Variants in FANK1 observed in about 807,000 individuals in gnomAD.
FANK1 encodes the protein fibronectin type 3 and ankyrin repeat domains protein 1.
A neutral mutation model predicts 45.3 loss-of-function variants in FANK1; 44 were observed. The observed-to-expected ratio is 0.97, with a 90% CI of 0.76 to 1.25. The LOEUF (loss-of-function observed/expected upper bound fraction) is 1.25. Ranked by LOEUF, FANK1 falls within the 50% of genes most tolerant of loss-of-function variation. FANK1 has a pLI of 0.00. For missense variants in FANK1, 391 were observed against 424.4 expected, an observed-to-expected ratio of 0.92 and a Z score of 0.69; for synonymous variants, 149 against 152.5, an observed-to-expected ratio of 0.98 and a Z score of 0.17.
chr10:125,910,273 A>G (rs1945884442), intron 1 of FANK1, among the ~76,000 whole-genome samples: 1 of 152,234 alleles, frequency 6.6e-6, no homozygotes, highest in African/African-American at 2.4e-5. Flanking sequence ...GAGTCCTACA[A>G]TGGGTACTTA....
chr10:125,913,558 T>A (rs1290618837), intron 1 of FANK1, among the ~76,000 whole-genome samples: 1 of 152,222 alleles, frequency 6.6e-6, no homozygotes, highest in Non-Finnish European at 1.5e-5. Context: ...GATAAGTCAT[T>A]GCCACCACTA....
chr10:125,901,847 G>C (rs76265133), intron 1 of FANK1, among the ~76,000 whole-genome samples: 1 of 152,088 alleles, frequency 6.6e-6, no homozygotes, highest in Non-Finnish European at 1.5e-5. Context: ...CTAGCTGGAC[G>C]TGGTGGCTCA....
intron 3 of FANK1, among the ~76,000 whole-genome samples, chr10:125,990,663 G>A (rs7914095): frequency 5.9e-5 from 9 of 151,894 alleles, no homozygotes; most frequent in Non-Finnish European, 8.8e-5. Context: ...GCTTCTGGCC[G>A]TCCTAGCCTG....
Position 125,919,195 on chromosome 10 carries a change from ATTTTTTT to A in FANK1, c.13+22562_13+22568del, listed in dbSNP as rs142716284. The stretch of plus-strand genomic sequence containing the variant: ...AGTAAAATACTTCCAGGAGGTAAGA[ATTTTTTT>A]TTTTTTTTTTTTTTTTTTTTTGTGA... On this transcript the variant is annotated intron_variant, in intron 1 of 10. Coordinates refer to ENST00000368693, the MANE Select transcript of FANK1 (RefSeq NM_145235.5). 2.6e-3 allele frequency among the ~76,000 whole-genome samples: 135 copies of A among 51,878 alleles called. 1 individual carries two copies. In the East Asian group the frequency reaches 0.036, roughly 14 times the overall value. The allele number at this position is 51,878 out of a possible 152,430, so 34.0% of individuals were successfully genotyped here. A position where few individuals can be genotyped will look rare whatever the true frequency, so the allele number is the denominator to read the frequency against.
In FANK1 at chr10:126,005,049, G is replaced by T. The variant is rs762233251; in HGVS notation, c.705G>T (p.Glu235Asp). The change falls in exon 7 of 11, where the codon GAG becomes GAT. Residue 235 changes from glutamate to aspartate, a missense_variant and splice_region_variant. Transcript: ENST00000368693. ...AGTGGATGATAAAGGATGGCTGTGA[G>T]GTACGGGACCTGCCTTGTTAACCAC... Reference protein sequence around the residue: ...VIEWMIKDGCEVDVVDTGSGW... With the variant: ...VIEWMIKDGCDVDVVDTGSGW... 11 of 1,612,400 alleles carry T rather than the reference G, an allele frequency of 6.8e-6. No individual in the cohort carries two copies. The highest frequency in any genetic ancestry group is 9.3e-6 in the Non-Finnish European group (11 of 1,179,104).
chr10:125,996,687 T>C, intron 5 of FANK1, 63 bp downstream of exon 5: 2 of 1,538,390 alleles, frequency 1.3e-6, no homozygotes, highest in South Asian at 2.3e-5. Context: ...ATTCAAAGGC[T>C]CTGGTCAGGA....
chr10:125,933,825 G>A (rs1361952667), intron 1 of FANK1, among the ~76,000 whole-genome samples: 1 of 152,064 alleles, frequency 6.6e-6, no homozygotes, highest in East Asian at 1.9e-4. Flanking sequence ...GCTTTGATAG[G>A]TTGTGTCATT....
chr10:125,918,368 C>T (rs2134125168), intron 1 of FANK1, among the ~76,000 whole-genome samples: 1 of 151,980 alleles, frequency 6.6e-6, no homozygotes, highest in East Asian at 1.9e-4. Context: ...CCATCCTGGC[C>T]AACATGGTGA....
intron 1 of FANK1, among the ~76,000 whole-genome samples, chr10:125,897,998 CAAAAAAAAAAAAAAAAAAA>C (rs373550249): frequency 0.012 from 194 of 16,796 alleles, no homozygotes; most frequent in African/African-American, 0.043. Context: ...TACTAAAATA[CAAAAAAAAAAAAAAAAAAA>C]AAAAAAAAAA....
At chr10:125,927,879 C>T (rs1007409954) in intron 1 of FANK1, among the ~76,000 whole-genome samples, 6 of 152,132 alleles carry the variant, frequency 3.9e-5, no homozygotes, top group African/African-American at 1.4e-4. Flanking sequence ...TTGGTGCACA[C>T]GTGTGTACTT....
At chr10:125,995,369 C>A in intron 3 of FANK1, 48 bp from the exon 4 acceptor site, 1 of 1,568,666 alleles carries the variant, frequency 6.4e-7, no homozygotes, top group South Asian at 1.1e-5. Context: ...GGGAAGCAGT[C>A]TCCTTTTCTG....
intron 1 of FANK1, among the ~76,000 whole-genome samples, chr10:125,969,097 T>C (rs10901488): frequency 0.36 from 54,299 of 152,026 alleles, 10,025 homozygotes; most frequent in South Asian, 0.42. Context: ...TTTACTGTTG[T>C]TCTTCCTTTT....
intron 1 of FANK1, among the ~76,000 whole-genome samples, chr10:125,967,474 G>T (rs1173035624): frequency 6.6e-6 from 1 of 152,208 alleles, no homozygotes; most frequent in Non-Finnish European, 1.5e-5. Flanking sequence ...CCCAGGTTTG[G>T]GCAGGGATGT....
In FANK1 at chr10:125,996,585, T is replaced by C. The variant is rs1952347613; in HGVS notation, c.434T>C (p.Phe145Ser). The C allele has an allele frequency of 6.2e-7, 1 of 1,614,184 alleles. No homozygotes were observed. Among genetic ancestry groups the C allele is most frequent in the Non-Finnish European group, 8.5e-7 (1 of 1,180,032 alleles). Residue 145 changes from phenylalanine (F) to serine (S), a missense_variant, in exon 5 of 11, where the codon TTT (phenylalanine) becomes TCT (serine). Coordinates refer to ENST00000368693, the MANE Select transcript of FANK1 (RefSeq NM_145235.5). ...VKVDVPNKFG[F>S]TALMVAAQKG... ...GTTGATGTTCCCAATAAGTTTGGCT[T>C]TACCGCTCTGATGGTTGCTGCCCAG...
intron 1 of FANK1, among the ~76,000 whole-genome samples, chr10:125,974,153 C>T (rs1950702032): frequency 6.6e-6 from 1 of 152,210 alleles, no homozygotes; most frequent in Admixed American, 6.5e-5. Flanking sequence ...TTCCATCATG[C>T]TTTCTATAAA....
At chr10:125,999,957 A>T (rs182881129) in intron 6 of FANK1, among the ~76,000 whole-genome samples, 7 of 152,216 alleles carry the variant, frequency 4.6e-5, no homozygotes, top group Admixed American at 4.6e-4. Context: ...CTTAGACTTA[A>T]TAAGGAGGCT....
At chr10:125,913,615 G>A (rs1477481892) in intron 1 of FANK1, among the ~76,000 whole-genome samples, 1 of 152,104 alleles carries the variant, frequency 6.6e-6, no homozygotes, top group Non-Finnish European at 1.5e-5. Context: ...ACATAAACCT[G>A]GGTTAATTTA....
intron 1 of FANK1, among the ~76,000 whole-genome samples, chr10:125,966,365 C>T (rs1417735184): frequency 2.0e-5 from 3 of 152,178 alleles, no homozygotes; most frequent in African/African-American, 4.8e-5. Flanking sequence ...TAAGGCACCT[C>T]ATTCCCAGAT....
intron 1 of FANK1, among the ~76,000 whole-genome samples, chr10:125,909,657 G>T (rs4615938): frequency 6.8e-6 from 1 of 147,578 alleles, no homozygotes; most frequent in African/African-American, 2.5e-5. Context: ...TAGCTGGGAC[G>T]ACAGGTGTGC....
Sources: gnomAD v4.1 joint callset for allele counts (sites outside exome capture counted in the v4.1 genomes callset) on GRCh38, gnomAD v4.1.1 for gene constraint, MANE v1.5 for transcripts, NCBI Gene and HGNC (gene_info 2026-07-23, HGNC 2026-07-21) for gene names.